The following HS6ST3 variants were observed in gnomAD, a reference collection of about 807,000 sequenced individuals.
HS6ST3 encodes the protein heparan sulfate 6-O-sulfotransferase 3.
HS6ST3 carries 12 observed loss-of-function variants against 36.7 expected under a neutral mutation model. The observed-to-expected ratio is 0.33, with a 90% CI of 0.21 to 0.53. HS6ST3 has a LOEUF of 0.53. Among genes scored for constraint, HS6ST3 ranks in the 20% least tolerant of loss-of-function variants. The pLI is 0.95. For missense variants in HS6ST3, 584 were observed against 640.9 expected, an observed-to-expected ratio of 0.91 and a Z score of 0.96; for synonymous variants, 240 against 257.5, an observed-to-expected ratio of 0.93 and a Z score of 0.65.
intron 1 of HS6ST3, among the ~76,000 whole-genome samples, chr13:96,317,352 A>ATATATATATAAAAT (rs2054977871): frequency 4.2e-5 from 3 of 71,040 alleles, no homozygotes; most frequent in African/African-American, 2.7e-4. Context: ...ATATATATAT[A>ATATATATATAAAAT]TATATATATA....
At chr13:96,413,057 T>G (rs2055515896) in intron 1 of HS6ST3, among the ~76,000 whole-genome samples, 1 of 152,148 alleles carries the variant, frequency 6.6e-6, no homozygotes, top group South Asian at 2.1e-4. Context: ...CTGCCTTTGT[T>G]TCAGGCCTGA....
chr13:96,282,646 C>T (rs2054781650), intron 1 of HS6ST3, among the ~76,000 whole-genome samples: 2 of 152,124 alleles, frequency 1.3e-5, no homozygotes, highest in African/African-American at 4.8e-5. Context: ...AGTTTCTTCT[C>T]CACCCTCTCA....
chr13:96,533,732 AG>A (rs1218269221), intron 1 of HS6ST3, among the ~76,000 whole-genome samples: 3 of 152,192 alleles, frequency 2.0e-5, no homozygotes, highest in Non-Finnish European at 2.9e-5. Flanking sequence ...TCATCACCAG[AG>A]GCCCCAAACT....
intron 1 of HS6ST3, among the ~76,000 whole-genome samples, chr13:96,443,454 C>T (rs191728101): frequency 2.3e-4 from 32 of 141,574 alleles, no homozygotes; most frequent in African/African-American, 5.0e-4. Flanking sequence ...GGCATGAACC[C>T]GGGAGGCAGA....
intron 1 of HS6ST3, among the ~76,000 whole-genome samples, chr13:96,602,256 A>G (rs1348046145): frequency 2.0e-5 from 3 of 152,086 alleles, no homozygotes; most frequent in African/African-American, 7.2e-5. Context: ...TTAATTCTTT[A>G]TCAGGCAGTA....
chr13:96,648,092 T>C (rs1594826631), intron 1 of HS6ST3, among the ~76,000 whole-genome samples: 1 of 152,078 alleles, frequency 6.6e-6, no homozygotes, highest in East Asian at 1.9e-4. Flanking sequence ...CTAAATACAG[T>C]GACTTCAAGT....
intron 1 of HS6ST3, among the ~76,000 whole-genome samples, chr13:96,651,830 C>G (rs2056608656): frequency 6.6e-6 from 1 of 152,008 alleles, no homozygotes; most frequent in Non-Finnish European, 1.5e-5. Context: ...GCTCTTTATC[C>G]TCACAGTACA....
At chr13:96,682,404 T>C (rs1034181488) in intron 1 of HS6ST3, among the ~76,000 whole-genome samples, 4 of 152,162 alleles carry the variant, frequency 2.6e-5, no homozygotes, top group African/African-American at 9.6e-5. Context: ...GTTTAGTTCA[T>C]CTTTTGTTCC....
intron 1 of HS6ST3, among the ~76,000 whole-genome samples, chr13:96,624,099 A>G (rs563852474): frequency 6.6e-6 from 1 of 152,198 alleles, no homozygotes; most frequent in Non-Finnish European, 1.5e-5. Context: ...AACATACAAA[A>G]CATAAAATAT....
At chr13:96,460,399 G>C (rs113144303) in intron 1 of HS6ST3, among the ~76,000 whole-genome samples, 1 of 152,212 alleles carries the variant, frequency 6.6e-6, no homozygotes, top group Non-Finnish European at 1.5e-5. Flanking sequence ...TTTTAGTTTG[G>C]TAACTAAACT....
In HS6ST3 at chr13:96,621,199, T is replaced by C. The variant is rs192695758; in HGVS notation, c.708-211291T>C. On this transcript the variant is annotated intron_variant, in intron 1 of 1. Coordinates refer to ENST00000376705, the MANE Select transcript of HS6ST3 (RefSeq NM_153456.4). Reference sequence around the variant, plus strand: ...AATGGGGCATGAGGGAACCTTGATATGGTTTGACTGTGTGTCCCCACCCAA... The same window carrying C: ...AATGGGGCATGAGGGAACCTTGATACGGTTTGACTGTGTGTCCCCACCCAA... 7.9e-3 allele frequency among the ~76,000 whole-genome samples: 1,210 copies of C among 152,344 alleles called. 16 individuals carry two copies. The highest frequency in any genetic ancestry group is 0.027 in the African/African-American group (1,108 of 41,572).
chr13:96,518,145 C>G (rs977586621), intron 1 of HS6ST3, among the ~76,000 whole-genome samples: 63 of 152,186 alleles, frequency 4.1e-4, no homozygotes, highest in African/African-American at 1.4e-3. Context: ...ACTCTTTTCT[C>G]TGACCATTTG....
intron 1 of HS6ST3, among the ~76,000 whole-genome samples, chr13:96,587,015 G>GT: frequency 6.6e-6 from 1 of 152,118 alleles, no homozygotes; most frequent in Non-Finnish European, 1.5e-5. Context: ...ATATGTAGTT[G>GT]TTTTTTATTT....
At position 96,682,535 on chromosome 13, in the gene HS6ST3, C is replaced by T. The variant is rs544281162; in HGVS notation, c.708-149955C>T. On this transcript the variant is annotated intron_variant, in intron 1 of 1. Transcript: ENST00000376705. ...AGAGAATGATTTTGACTCCAAAGGC[C>T]ACCAGTGAGTCTTAGGAAACTGAAC... Among the ~76,000 whole-genome samples, 9 of 152,226 alleles carry T rather than the reference C, an allele frequency of 5.9e-5. No individual in the cohort carries two copies. In the South Asian group the frequency reaches 1.0e-3, roughly 18 times the overall value.
chr13:96,388,079 G>C (rs2055377473), intron 1 of HS6ST3, among the ~76,000 whole-genome samples: 1 of 152,186 alleles, frequency 6.6e-6, no homozygotes, highest in Non-Finnish European at 1.5e-5. Context: ...TTCATCTGTG[G>C]TTTGATTTCT....
chr13:96,658,781 C>G (rs913165925), intron 1 of HS6ST3, among the ~76,000 whole-genome samples: 3 of 152,016 alleles, frequency 2.0e-5, no homozygotes, highest in African/African-American at 7.3e-5. Flanking sequence ...TCTTGGCTCA[C>G]TGCAACCTCT....
At position 96,445,007 on chromosome 13, in the gene HS6ST3, T is replaced by TA. The variant is rs113634739; in HGVS notation, c.707+353446dup. 3.5e-3 allele frequency among the ~76,000 whole-genome samples: 529 copies of TA among 151,930 alleles called. 3 individuals carry two copies. The highest frequency in any genetic ancestry group is 0.011 in the African/African-American group (471 of 41,458). ...TAATGTAAGTGGAAGGAGAAATTGT[T>TA]AAAAAAAATGGGGGTATCAAATGTA... On this transcript the variant is annotated intron_variant, in intron 1 of 1. Transcript: ENST00000376705.
intron 1 of HS6ST3, among the ~76,000 whole-genome samples, chr13:96,658,405 C>G (rs1312783538): frequency 6.6e-6 from 1 of 150,390 alleles, no homozygotes; most frequent in South Asian, 2.1e-4. Flanking sequence ...CTCAGCCTCC[C>G]GAGTAGCTGG....
intron 1 of HS6ST3, among the ~76,000 whole-genome samples, chr13:96,384,313 A>G (rs1451849426): frequency 6.6e-6 from 1 of 151,958 alleles, no homozygotes; most frequent in Non-Finnish European, 1.5e-5. Flanking sequence ...TTTTAATTTG[A>G]AAATGATAGT....
Sources: allele counts gnomAD v4.1 joint callset (sites outside exome capture counted in the v4.1 genomes callset), GRCh38; gene constraint gnomAD v4.1.1; transcripts MANE v1.5; gene names NCBI Gene and HGNC (gene_info 2026-07-23, HGNC 2026-07-21).